NKAIN2: variants seen among roughly 807,000 people sequenced by gnomAD.
The protein encoded by NKAIN2 is sodium/potassium transporting ATPase interacting 2.
In NKAIN2, 14 loss-of-function variants were observed where a neutral mutation model predicts 32.6. The ratio of observed to expected loss-of-function variants is 0.43; its 90% CI spans 0.28 to 0.67. The LOEUF (loss-of-function observed/expected upper bound fraction) is 0.67. NKAIN2 is among the 30% of genes least tolerant of loss of function. NKAIN2 has a pLI of 0.17. For missense variants in NKAIN2, 198 were observed against 258.3 expected, an observed-to-expected ratio of 0.77 and a Z score of 1.60; for synonymous variants, 80 against 87.2, an observed-to-expected ratio of 0.92 and a Z score of 0.46.
chr6:123,929,904 A>T (rs1458634448), intron 1 of NKAIN2, among the ~76,000 whole-genome samples: 4 of 152,116 alleles, frequency 2.6e-5, no homozygotes, highest in Admixed American at 6.5e-5. Flanking sequence ...GGCACTCAAA[A>T]AATTCAGATT....
At chr6:124,507,617 G>T (rs1360538910) in intron 3 of NKAIN2, among the ~76,000 whole-genome samples, 1 of 151,960 alleles carries the variant, frequency 6.6e-6, no homozygotes, top group Non-Finnish European at 1.5e-5. Flanking sequence ...GTACAGGAGG[G>T]GCAGCTTTAC....
intron 1 of NKAIN2, among the ~76,000 whole-genome samples, chr6:124,081,927 T>G (rs1783983771): frequency 6.6e-6 from 1 of 152,192 alleles, no homozygotes; most frequent in South Asian, 2.1e-4. Flanking sequence ...CTCTTCAGTG[T>G]CTTGCTGAGC....
At position 124,586,608 on chromosome 6, in the gene NKAIN2, G is replaced by GA. The variant is rs201022705; in HGVS notation, c.274-71566dup. On this transcript the variant is annotated intron_variant, in intron 3 of 6. Transcript: ENST00000368417. ...CTGAACCTAAAATAAAAGTTGGAAA[G>GA]AAAAAAAAAAAACAGTTTGAGAGTT... is the stretch of plus-strand genomic sequence containing the variant. Among the ~76,000 whole-genome samples, 1,170 of 127,440 alleles carry GA rather than the reference G, an allele frequency of 9.2e-3. 7 individuals are homozygous for GA. Among genetic ancestry groups the GA allele is most frequent in the African/African-American group, 0.025 (882 of 34,746 alleles). The allele number at this position is 127,440 out of a possible 152,430, so 83.6% of individuals were successfully genotyped here.
chr6:124,021,019 C>T (rs1263346112), intron 1 of NKAIN2, among the ~76,000 whole-genome samples: 1 of 152,080 alleles, frequency 6.6e-6, no homozygotes, highest in Non-Finnish European at 1.5e-5. Context: ...ACTCCTCATT[C>T]ATTTACTCTC....
chr6:123,993,876 C>A lies in NKAIN2; in HGVS notation c.54+189622C>A, dbSNP rs73557076. Among the ~76,000 whole-genome samples the A allele has an allele frequency of 5.6e-3, 849 of 152,230 alleles. 15 individuals are homozygous for A. The highest frequency in any genetic ancestry group is 0.02 in the African/African-American group (818 of 41,540). On this transcript the variant is annotated intron_variant, in intron 1 of 6. Transcript: ENST00000368417. ...GAATTCCATTCCATTTCCAATAGAA[C>A]CATGCTACAACTAAAATATATCATG...
At chr6:124,425,827 G>A (rs1290085161) in intron 3 of NKAIN2, among the ~76,000 whole-genome samples, 1 of 151,984 alleles carries the variant, frequency 6.6e-6, no homozygotes, top group South Asian at 2.1e-4. Flanking sequence ...GGTATATTGA[G>A]GAATGAGAAC....
intron 3 of NKAIN2, among the ~76,000 whole-genome samples, chr6:124,451,884 GATCTCTTAAA>G (rs567607116): frequency 6.6e-6 from 1 of 152,026 alleles, no homozygotes; most frequent in Admixed American, 6.6e-5. Flanking sequence ...TTTCCTAGAT[GATCTCTTAAA>G]ATCTCTTCAA....
At chr6:124,028,329 A>G (rs977498319) in intron 1 of NKAIN2, among the ~76,000 whole-genome samples, 18 of 145,660 alleles carry the variant, frequency 1.2e-4, no homozygotes, top group African/African-American at 4.3e-4. Flanking sequence ...GTGAAATGCA[A>G]CTTGATCCAT....
chr6:124,371,373 A>G (rs1799752780), intron 3 of NKAIN2, among the ~76,000 whole-genome samples: 1 of 151,814 alleles, frequency 6.6e-6, no homozygotes, highest in Admixed American at 6.6e-5. Context: ...GACTAATTCC[A>G]TTGTTTATTA....
At chr6:124,775,861 C>T (rs1024529258) in intron 4 of NKAIN2, among the ~76,000 whole-genome samples, 2 of 152,164 alleles carry the variant, frequency 1.3e-5, no homozygotes, top group African/African-American at 4.8e-5. Flanking sequence ...CTATCCTGAA[C>T]ATTTCTGTTC....
At chr6:124,088,049 A>G (rs984982) in intron 1 of NKAIN2, among the ~76,000 whole-genome samples, 134,219 of 152,012 alleles carry the variant, frequency 0.88, 59,249 homozygotes, top group African/African-American at 0.91. Context: ...TAAGCAGTGC[A>G]CGTTAGAGTC....
intron 4 of NKAIN2, among the ~76,000 whole-genome samples, chr6:124,726,651 TCTC>T (rs1385408044): frequency 6.8e-6 from 1 of 146,452 alleles, no homozygotes; most frequent in African/African-American, 2.5e-5. Context: ...CCAGAGCGCC[TCTC>T]CTCCTCCAAA....
rs113717410 is a variant in NKAIN2 at position 124,009,488 on chromosome 6, G to A, written c.54+205234G>A. Among the ~76,000 whole-genome samples, 110 of 152,158 alleles carry A rather than the reference G, an allele frequency of 7.2e-4. 1 individual carries two copies. The highest frequency in any genetic ancestry group is 2.5e-3 in the African/African-American group (103 of 41,514). On this transcript the variant is annotated intron_variant, in intron 1 of 6. Coordinates refer to ENST00000368417, the MANE Select transcript of NKAIN2 (RefSeq NM_001040214.3). ...ATACGTGAAAATAATGCTGGGTGGC[G>A]GCTTACGATGTGGCAGCTCCTTGCA...
chr6:123,905,547 A>G (rs1486635926), intron 1 of NKAIN2, among the ~76,000 whole-genome samples: 1 of 152,172 alleles, frequency 6.6e-6, no homozygotes, highest in Non-Finnish European at 1.5e-5. Flanking sequence ...AAGCATAGTT[A>G]GTATCTTTGC....
chr6:124,429,215 T>TG (rs1775107179), intron 3 of NKAIN2, among the ~76,000 whole-genome samples: 1 of 151,674 alleles, frequency 6.6e-6, no homozygotes, highest in African/African-American at 2.4e-5. Flanking sequence ...TTTTTTTTTT[T>TG]TTTTCTATTT....
At chr6:124,735,188 G>A (rs747482074) in intron 4 of NKAIN2, among the ~76,000 whole-genome samples, 1 of 151,778 alleles carries the variant, frequency 6.6e-6, no homozygotes, top group African/African-American at 2.4e-5. Context: ...AGAACAGAGT[G>A]GCACTTGCAG....
At chr6:124,072,746 G>A (rs1278133601) in intron 1 of NKAIN2, among the ~76,000 whole-genome samples, 1 of 152,062 alleles carries the variant, frequency 6.6e-6, no homozygotes, top group Non-Finnish European at 1.5e-5. Flanking sequence ...ACTTCTTTAT[G>A]AAATATTATT....
At chr6:124,409,636 G>T (rs1008330166) in intron 3 of NKAIN2, among the ~76,000 whole-genome samples, 2 of 152,190 alleles carry the variant, frequency 1.3e-5, no homozygotes, top group Non-Finnish European at 2.9e-5. Context: ...GTTCATCAAG[G>T]ATATTGGTCT....
At chr6:124,633,792 G>A (rs1783665252) in intron 3 of NKAIN2, among the ~76,000 whole-genome samples, 1 of 152,162 alleles carries the variant, frequency 6.6e-6, no homozygotes, top group Non-Finnish European at 1.5e-5. Flanking sequence ...AGAGCCCGAG[G>A]ACCAGTCCTC....
Sources: allele counts gnomAD v4.1 joint callset (sites outside exome capture counted in the v4.1 genomes callset), GRCh38; gene constraint gnomAD v4.1.1; transcripts MANE v1.5; gene names NCBI Gene and HGNC (gene_info 2026-07-23, HGNC 2026-07-21).